DGKD: variants seen among roughly 807,000 people sequenced by gnomAD.
DGKD encodes diacylglycerol kinase delta.
Under a neutral mutation model 154.4 loss-of-function variants are expected in DGKD, and 68 were observed. The ratio of observed to expected loss-of-function variants is 0.44; its 90% CI spans 0.36 to 0.54. The LOEUF is 0.54. Ranked by LOEUF, DGKD falls within the 20% of genes least tolerant of loss-of-function variation. The pLI is 0.00. For missense variants in DGKD, 1,343 were observed against 1,593.6 expected, an observed-to-expected ratio of 0.84 and a Z score of 2.68; for synonymous variants, 693 against 638.0, an observed-to-expected ratio of 1.09 and a Z score of -1.30.
At chr2:233,358,530 A>G (rs1467266556) in intron 1 of DGKD, among the ~76,000 whole-genome samples, 1 of 152,188 alleles carries the variant, frequency 6.6e-6, no homozygotes, top group Non-Finnish European at 1.5e-5. Context: ...AACCATCACC[A>G]CAGTCAATTT....
chr2:233,432,591 G>A (rs1045766581), intron 3 of DGKD, among the ~76,000 whole-genome samples: 5 of 152,276 alleles, frequency 3.3e-5, no homozygotes, highest in South Asian at 4.1e-4. Context: ...CCCAAGAGGC[G>A]GAGTTTGCAG....
intron 1 of DGKD, among the ~76,000 whole-genome samples, chr2:233,357,398 G>T (rs939837048): frequency 6.6e-6 from 1 of 152,162 alleles, no homozygotes; most frequent in Non-Finnish European, 1.5e-5. Flanking sequence ...AAACAAAAGA[G>T]AATGTCTTAG....
chr2:233,457,050 G>T lies in DGKD; in HGVS notation c.2472+55G>T. 1 of 1,461,740 alleles carries T rather than the reference G, an allele frequency of 6.8e-7. No individual in the cohort carries two copies. Among genetic ancestry groups the T allele is most frequent in the Non-Finnish European group, 9.6e-7 (1 of 1,041,806 alleles). 90.5% of individuals were successfully genotyped at this position (1,461,740 alleles called of 1,614,324 possible). ...GCTGGCCTCCATCCATCAGCAGACT[G>T]CCAGGCCTATTGCTTCTCCTGTTGA... On this transcript the variant is annotated intron_variant, in intron 20 of 29. Coordinates refer to ENST00000264057, the MANE Select transcript of DGKD (RefSeq NM_152879.3). This position sits in a 1 kb window ranked among gnomAD's most constrained non-coding sequence, Gnocchi z 5.5.
In DGKD at chr2:233,434,492, A is replaced by G; in HGVS notation, c.453+8A>G. On this transcript the variant is annotated splice_region_variant and intron_variant, in intron 4 of 29. Coordinates refer to ENST00000264057, the MANE Select transcript of DGKD (RefSeq NM_152879.3). Reference sequence around the variant, plus strand: ...AACAGGGAGCACTTTGAGGTTAAAAAAGAAAATACCCTTCTCCAAATGCCT... The same window carrying G: ...AACAGGGAGCACTTTGAGGTTAAAAGAGAAAATACCCTTCTCCAAATGCCT... 7 of 1,612,356 alleles carry G rather than the reference A, an allele frequency of 4.3e-6. No individual in the cohort carries two copies. The highest frequency in any genetic ancestry group is 1.7e-4 in the Middle Eastern group (1 of 6,058).
chr2:233,423,696 C>T (rs565984515), intron 3 of DGKD, among the ~76,000 whole-genome samples: 5 of 152,066 alleles, frequency 3.3e-5, no homozygotes, highest in East Asian at 1.9e-4. Flanking sequence ...TTTCTTGTGG[C>T]GCTGGCTGGA....
intron 27 of DGKD, among the ~76,000 whole-genome samples, chr2:233,464,966 C>T (rs2063781994): frequency 6.6e-6 from 1 of 152,262 alleles, no homozygotes; most frequent in Admixed American, 6.5e-5. Context: ...CAAACCTGGG[C>T]ACCCCTGCCC....
At chr2:233,428,714 C>T (rs907087876) in intron 3 of DGKD, among the ~76,000 whole-genome samples, 2 of 152,162 alleles carry the variant, frequency 1.3e-5, no homozygotes, top group Non-Finnish European at 2.9e-5. Flanking sequence ...TGTTCAGTCC[C>T]ACCACAGCCC....
chr2:233,414,753 A>G (rs2061917522), intron 3 of DGKD, among the ~76,000 whole-genome samples: 1 of 152,150 alleles, frequency 6.6e-6, no homozygotes, highest in Non-Finnish European at 1.5e-5. Context: ...GTGTGTTTAT[A>G]GATGTTTTCC....
intron 6 of DGKD, 39 bp from the exon 7 acceptor site, chr2:233,436,277 T>C (rs2062691336): frequency 1.2e-6 from 2 of 1,613,004 alleles, no homozygotes; most frequent in East Asian, 2.2e-5. Flanking sequence ...ACGTGGAACC[T>C]TGGGAGCGTC....
chr2:233,374,305 A>C (rs6431364), intron 1 of DGKD, among the ~76,000 whole-genome samples: 35,878 of 147,218 alleles, frequency 0.24, 5,252 homozygotes, highest in African/African-American at 0.43. Context: ...TCTGCCTCAG[A>C]CTCCCAAAGT....
rs779385579 is a variant in DGKD at position 233,441,965 on chromosome 2, C to A, written c.1164C>A (p.Ser388=). The change falls in exon 10 of 30, where the codon TCC becomes TCA. Residue 388 remains serine, a synonymous_variant. Coordinates refer to ENST00000264057, the MANE Select transcript of DGKD (RefSeq NM_152879.3). This position sits in a 1 kb window ranked among gnomAD's most constrained non-coding sequence, Gnocchi z 5.6. The part of the protein sequence containing the change: ...GGDGSVGWVL[S]EIDSLNLHKQ... ...ATGGAAGTGTTGGCTGGGTCCTCTC[C>A]GAAATCGACAGCCTCAACCTTCATA... The A allele has an allele frequency of 6.2e-7, 1 of 1,614,190 alleles. No individual in the cohort carries two copies. The highest frequency in any genetic ancestry group is 8.5e-7 in the Non-Finnish European group (1 of 1,180,020).
Position 233,457,236 on chromosome 2 carries a change from A to G in DGKD, c.2488A>G (p.Ile830Val). ...KVLLECDGRP[I>V]PLPSLQGIAV... ...TGCTGCTCAGTGTGACGGGCGACCC[A>G]TCCCACTCCCCAGTCTTCAGGGAAT... is the stretch of plus-strand genomic sequence containing the variant. Residue 830 changes from isoleucine (I) to valine (V), a missense_variant, in exon 21 of 30, where the codon ATC (isoleucine) becomes GTC (valine). Around this residue, in one of 6 missense-constraint regions of DGKD, gnomAD observed 60 missense variants for 112.4 expected, o/e 0.53. Transcript: ENST00000264057. The surrounding 1 kb of genome is among the most constrained non-coding windows in gnomAD (Gnocchi z 5.5). The G allele has an allele frequency of 6.6e-7, 1 of 1,518,504 alleles. No individual in the cohort carries two copies. Among genetic ancestry groups the G allele is most frequent in the Non-Finnish European group, 8.8e-7 (1 of 1,133,650 alleles). The allele number at this position is 1,518,504 out of a possible 1,614,324, so 94.1% of individuals were successfully genotyped here. A position where few individuals can be genotyped will look rare whatever the true frequency, so the allele number is the denominator to read the frequency against.
intron 3 of DGKD, among the ~76,000 whole-genome samples, chr2:233,396,927 TGGGGGGGGCCAGA>T (rs1704086877): frequency 2.1e-5 from 2 of 96,552 alleles, no homozygotes; most frequent in African/African-American, 8.4e-5. Flanking sequence ...CCAGCGTGGC[TGGGGGGGGCCAGA>T]GCGAGAGGAC....
At chr2:233,382,200 C>T (rs1046873311) in intron 1 of DGKD, among the ~76,000 whole-genome samples, 3 of 152,228 alleles carry the variant, frequency 2.0e-5, no homozygotes, top group African/African-American at 7.2e-5. Flanking sequence ...TGGCACTGCA[C>T]TCCAGCCTGG....
intron 3 of DGKD, among the ~76,000 whole-genome samples, chr2:233,409,903 CCCTGTGGG>C (rs1039068795): frequency 3.3e-4 from 50 of 149,350 alleles, no homozygotes; most frequent in African/African-American, 1.1e-3. Context: ...GTAGAATGTG[CCCTGTGGG>C]AGCTGCCTCC....
At position 233,457,063 on chromosome 2, in the gene DGKD, C is replaced by T. The variant is rs2063483578; in HGVS notation, c.2472+68C>T. 7.1e-7 allele frequency: 1 copy of T among 1,412,856 alleles called. No homozygotes were observed. Among genetic ancestry groups the T allele is most frequent in the Non-Finnish European group, 1.0e-6 (1 of 997,754 alleles). 87.5% of individuals were successfully genotyped at this position (1,412,856 alleles called of 1,614,324 possible). ...CATCAGCAGACTGCCAGGCCTATTG[C>T]TTCTCCTGTTGACCATTTCCTCCAT... On this transcript the variant is annotated intron_variant, in intron 20 of 29. Transcript: ENST00000264057. The surrounding 1 kb of genome is among the most constrained non-coding windows in gnomAD (Gnocchi z 5.5).
In DGKD at chr2:233,440,525, G is replaced by T. The variant is rs528270975; in HGVS notation, c.1086-1362G>T. ...GGCAGGGTCGCAAGTCAAACTGGGC[G>T]TCCTTCCACGTCTCCCCGAGCTGGC... On this transcript the variant is annotated intron_variant, in intron 9 of 29. Transcript: ENST00000264057. This position sits in a 1 kb window ranked among gnomAD's most constrained non-coding sequence, Gnocchi z 4.9. Among the ~76,000 whole-genome samples the T allele has an allele frequency of 6.6e-6, 1 of 152,158 alleles. No homozygotes were observed. Among genetic ancestry groups the T allele is most frequent in the Non-Finnish European group, 1.5e-5 (1 of 68,024 alleles).
chr2:233,355,290 C>T (rs1327916464), intron 1 of DGKD, among the ~76,000 whole-genome samples: 1 of 152,230 alleles, frequency 6.6e-6, no homozygotes, highest in East Asian at 1.9e-4. Context: ...ACCCAACTCT[C>T]CACGGAGAAC....
rs369568917 is a variant in DGKD at position 233,449,304 on chromosome 2, C to T, written c.1816C>T (p.Arg606Ter). The change falls in exon 15 of 30, where the codon CGA (arginine) becomes TGA (stop). Residue 606 changes from arginine to a stop codon, truncating the protein, a stop_gained. Transcript: ENST00000264057. LOFTEE classifies it high-confidence loss of function. The surrounding 1 kb of genome is among the most constrained non-coding windows in gnomAD (Gnocchi z 5.3). ...GGCCCGGCCGCAGATATTCCGGCCT[C>T]GAGAACAGCTCATGCTGAGAGCCAA... Reference protein sequence around the residue: ...CPARPQIFRPREQLMLRANSL... With the variant: ...CPARPQIFRP 7 of 1,612,882 alleles carry T rather than the reference C, an allele frequency of 4.3e-6. No homozygotes were observed. The highest frequency in any genetic ancestry group is 1.1e-5 in the South Asian group (1 of 91,080).
Sources: gnomAD v4.1 joint callset for allele counts (sites outside exome capture counted in the v4.1 genomes callset) on GRCh38, gnomAD v4.1.1 for gene constraint, gnomAD v4.1.1 regional missense constraint, Gnocchi (gnomAD v3.1) non-coding constraint, MANE v1.5 for transcripts, NCBI Gene and HGNC (gene_info 2026-07-23, HGNC 2026-07-21) for gene names.